The following BAIAP3 variants were observed in gnomAD, a reference collection of about 807,000 sequenced individuals.
BAIAP3 encodes BAI1 associated protein 3.
Under a neutral mutation model 149.7 loss-of-function variants are expected in BAIAP3, and 180 were observed. That is an observed-to-expected ratio of 1.20 (90% CI 1.07 to 1.36). The LOEUF (loss-of-function observed/expected upper bound fraction) is 1.36, where lower values mean the gene tolerates loss of function less well. Ranked by LOEUF, BAIAP3 falls within the 40% of genes most tolerant of loss-of-function variation. The pLI is 0.00. For synonymous variants in BAIAP3, 845 were observed against 670.7 expected, an observed-to-expected ratio of 1.26 and a Z score of -4.02; for missense variants, 1,767 against 1,563.4, an observed-to-expected ratio of 1.13 and a Z score of -2.20.
chr16:1,344,489 C>T lies in BAIAP3; in HGVS notation c.1623C>T (p.Tyr541=), dbSNP rs763667257. 62 of 1,613,192 alleles carry T rather than the reference C, an allele frequency of 3.8e-5. No homozygotes were observed. Among genetic ancestry groups the T allele is most frequent in the East Asian group, 1.8e-4 (8 of 44,880 alleles). ...TGCAGAGAGGCAACCGTGAGTGGTA[C>T]GACAGGATCCTGAATGACAAGAGTC... The part of the protein sequence containing the change: ...AALKRGNREW[Y]DRILNDKSPR... Residue 541 remains tyrosine, a synonymous_variant, in exon 18 of 34, where the codon TAC becomes TAT. Transcript: ENST00000426824.
At chr16:1,340,863 A>G (rs1032250576) in intron 5 of BAIAP3, 59 bp from the exon 6 acceptor site, 3 of 1,526,486 alleles carry the variant, frequency 2.0e-6, no homozygotes, top group Non-Finnish European at 2.7e-6. Flanking sequence ...GTCCCAGCAC[A>G]GTGGCCAGCC....
intron 10 of BAIAP3, 42 bp downstream of exon 10, chr16:1,342,105 A>G: frequency 6.4e-7 from 1 of 1,572,232 alleles, no homozygotes; most frequent in Non-Finnish European, 8.6e-7. Flanking sequence ...CCGTGCCCTC[A>G]GCTTGGTCAT....
rs765903886 is a variant in BAIAP3 at position 1,342,282 on chromosome 16, G to A, written c.956G>A (p.Arg319Gln). 21 of 1,611,934 alleles carry A rather than the reference G, an allele frequency of 1.3e-5. No homozygotes were observed. In the African/African-American group the frequency reaches 1.6e-4, roughly 12 times the overall value. Residue 319 changes from arginine (R) to glutamine (Q), a missense_variant and splice_region_variant, in exon 11 of 34, where the codon CGG (arginine) becomes CAG (glutamine). Transcript: ENST00000426824. ...CTGGGGTGCCTCAACATACCTGTCC[G>A]GGTGAGTGGGTGTGGGGTGGGGCTG... The part of the protein sequence containing the change: ...DFLGCLNIPV[R>Q]EVPVAGVDRW...
rs1181032844 is a variant in BAIAP3, at chr16:1,348,829, C to G, written c.*347C>G. Reference sequence around the variant, plus strand: ...TGGGTGGGCGGTGGGCAGCTGGTCTCCAGGGACTCAGTGAGTGGCTGTGCT... The same window carrying G: ...TGGGTGGGCGGTGGGCAGCTGGTCTGCAGGGACTCAGTGAGTGGCTGTGCT... On this transcript the variant is annotated 3_prime_UTR_variant, in exon 34 of 34. Coordinates refer to ENST00000426824, the MANE Select transcript of BAIAP3 (RefSeq NM_001199097.2). The G allele has an allele frequency of 2.4e-6, 1 of 421,600 alleles. No homozygotes were observed. Among genetic ancestry groups the G allele is most frequent in the Admixed American group, 3.9e-5 (1 of 25,806 alleles). The allele number at this position is 421,600 out of a possible 1,614,324, so 26.1% of individuals were successfully genotyped here. A position where few individuals can be genotyped will look rare whatever the true frequency, so the allele number is the denominator to read the frequency against.
intron 3 of BAIAP3, 28 bp from the exon 4 acceptor site, chr16:1,339,136 G>A: frequency 6.4e-7 from 1 of 1,569,242 alleles, no homozygotes; most frequent in Non-Finnish European, 8.6e-7. Context: ...CCTGCCGTCA[G>A]AGCCCTCACC....
In BAIAP3 at chr16:1,348,990, G is replaced by C. The variant is rs530801158; in HGVS notation, c.*508G>C. The C allele has an allele frequency of 1.5e-5, 4 of 271,284 alleles. No individual in the cohort carries two copies. Among genetic ancestry groups the C allele is most frequent in the Non-Finnish European group, 2.9e-5 (4 of 140,038 alleles). 16.8% of individuals were successfully genotyped at this position (271,284 alleles called of 1,614,324 possible). A position where few individuals can be genotyped will look rare whatever the true frequency, so the allele number is the denominator to read the frequency against. On this transcript the variant is annotated 3_prime_UTR_variant, in exon 34 of 34. Coordinates refer to ENST00000426824, the MANE Select transcript of BAIAP3 (RefSeq NM_001199097.2). ...GGGATGCAAAGGGCAGGTGAGTCAA[G>C]AACCGCATAGGTCTCCAGTCCCCAC...
In BAIAP3 at chr16:1,343,588, G is replaced by A. The variant is rs150337481; in HGVS notation, c.1386+75G>A. The A allele has an allele frequency of 8.9e-3, 13,873 of 1,561,892 alleles. 81 individuals are homozygous for A. The highest frequency in any genetic ancestry group is 0.013 in the Middle Eastern group (57 of 4,318). ...GGACTGGGGTCGCTCAGTGCCGGTCGGCGAGGGGCAGAGTCCTGCCCGCGT... is the reference window on the plus strand; with the variant it reads ...GGACTGGGGTCGCTCAGTGCCGGTCAGCGAGGGGCAGAGTCCTGCCCGCGT... On this transcript the variant is annotated intron_variant, in intron 15 of 33. Coordinates refer to ENST00000426824, the MANE Select transcript of BAIAP3 (RefSeq NM_001199097.2).
At chr16:1,345,478 C>T in intron 22 of BAIAP3, 106 bp downstream of exon 22, 2 of 1,269,790 alleles carry the variant, frequency 1.6e-6, no homozygotes, top group Non-Finnish European at 2.1e-6. Flanking sequence ...CCTCCTCCGC[C>T]TCCCCAGCCT....
intron 1 of BAIAP3, chr16:1,336,303 G>A (rs535799217): frequency 1.5e-4 from 145 of 985,396 alleles, no homozygotes; most frequent in Admixed American, 4.3e-4. Flanking sequence ...TGGCTGTGGG[G>A]GTGACAGCTT....
intron 31 of BAIAP3, 27 bp from the exon 32 acceptor site, chr16:1,347,867 G>T: frequency 6.2e-7 from 1 of 1,608,910 alleles, no homozygotes. Flanking sequence ...GATGGGGGCA[G>T]GGGGGCTCAC....
chr16:1,338,863 C>T (rs368521574), intron 2 of BAIAP3, 39 bp from the exon 3 acceptor site: 25 of 1,609,720 alleles, frequency 1.6e-5, no homozygotes, highest in African/African-American at 1.3e-4. Context: ...CAGGGGCCAG[C>T]GTGCTGAGAG....
intron 29 of BAIAP3, 50 bp from the exon 30 acceptor site, chr16:1,347,495 C>A: frequency 6.4e-7 from 1 of 1,550,468 alleles, no homozygotes; most frequent in Non-Finnish European, 8.7e-7. Flanking sequence ...CAAGTGCCAG[C>A]GCTGACCACC....
chr16:1,342,125 C>A, intron 10 of BAIAP3, 56 bp from the exon 11 acceptor site: 1 of 1,567,290 alleles, frequency 6.4e-7, no homozygotes, highest in East Asian at 2.3e-5. Flanking sequence ...TGGGGCCCGG[C>A]GGGCAGTGGC....
At chr16:1,347,865 C>T (rs746560230) in intron 31 of BAIAP3, 29 bp from the exon 32 acceptor site, 3 of 1,608,866 alleles carry the variant, frequency 1.9e-6, no homozygotes, top group East Asian at 2.2e-5. Context: ...GGGATGGGGG[C>T]AGGGGGGCTC....
chr16:1,336,438 G>T, intron 1 of BAIAP3: 1 of 971,942 alleles, frequency 1.0e-6, no homozygotes, highest in Non-Finnish European at 1.2e-6. Flanking sequence ...CACAGGGTGG[G>T]AGACGCAAAC....
At position 1,339,499 on chromosome 16, in the gene BAIAP3, G is replaced by T; in HGVS notation, c.304G>T (p.Glu102Ter). The T allele has an allele frequency of 3.1e-6, 5 of 1,608,146 alleles. No individual in the cohort carries two copies. The highest frequency in any genetic ancestry group is 3.4e-6 in the Non-Finnish European group (4 of 1,176,412). Residue 102 changes from glutamate to a stop codon, truncating the protein, a stop_gained, in exon 5 of 34, where the codon GAG (glutamate) becomes TAG (stop). Transcript: ENST00000426824. LOFTEE classifies it high-confidence loss of function. The stretch of plus-strand genomic sequence containing the variant: ...GCCGCCCTTCCCCCACCTGCAGGTG[G>T]AGATGCTCTACGAGGAGGCCCTGTA... ...GLRALAPEEV[E>*]MLYEEALYTV...
At position 1,347,352 on chromosome 16, in the gene BAIAP3, A is replaced by C. The variant is rs1385357785; in HGVS notation, c.2806A>C (p.Arg936=). The C allele has an allele frequency of 1.2e-6, 2 of 1,613,452 alleles. No individual in the cohort carries two copies. Among genetic ancestry groups the C allele is most frequent in the Admixed American group, 3.3e-5 (2 of 60,012 alleles). The change falls in exon 29 of 34, where the codon AGG becomes CGG. Residue 936 remains arginine, a synonymous_variant. Coordinates refer to ENST00000426824, the MANE Select transcript of BAIAP3 (RefSeq NM_001199097.2). ...TCAGGGTTTGCCCCTGGAGAGCCTG[A>C]GGGATGGAAGCTACAAGGTGAGGTG... ...EGQGLPLESL[R]DGSYKRLKEE...
In BAIAP3 at chr16:1,346,569, GC is replaced by G. The variant is rs939590302; in HGVS notation, c.2563-35del. The G allele has an allele frequency of 1.9e-6, 3 of 1,570,854 alleles. No individual in the cohort carries two copies. In the African/African-American group the frequency reaches 4.1e-5, roughly 21 times the overall value. On this transcript the variant is annotated intron_variant, in intron 26 of 33. Coordinates refer to ENST00000426824, the MANE Select transcript of BAIAP3 (RefSeq NM_001199097.2). ...TGTGTACTGGGGGTAGGGCAGAGGT[GC>G]GGGGTAAGCCTGGCCTGACCACCCC...
In BAIAP3 at chr16:1,346,840, C is replaced by A; in HGVS notation, c.2643-7C>A. On this transcript the variant is annotated splice_polypyrimidine_tract_variant and splice_region_variant and intron_variant, in intron 27 of 33. Coordinates refer to ENST00000426824, the MANE Select transcript of BAIAP3 (RefSeq NM_001199097.2). Reference sequence around the variant, plus strand: ...GCTGGCCCGTGGTCACTGATGCTGCCCTGCAGGGTGCTGGAGGCCCTGTGG... The same window carrying A: ...GCTGGCCCGTGGTCACTGATGCTGCACTGCAGGGTGCTGGAGGCCCTGTGG... 1 of 1,589,326 alleles carries A rather than the reference C, an allele frequency of 6.3e-7. No individual in the cohort carries two copies. Among genetic ancestry groups the A allele is most frequent in the East Asian group, 2.3e-5 (1 of 44,214 alleles).
Sources: gnomAD v4.1 joint callset for allele counts on GRCh38, gnomAD v4.1.1 for gene constraint, MANE v1.5 for transcripts, NCBI Gene and HGNC (gene_info 2026-07-23, HGNC 2026-07-21) for gene names.